The following POLA1 variants were observed in gnomAD, a reference collection of about 807,000 sequenced individuals.
The protein encoded by POLA1 is DNA polymerase alpha catalytic subunit.
In POLA1, 15 loss-of-function variants were observed where a neutral mutation model predicts 124.0. The observed-to-expected ratio is 0.12, with a 90% CI of 0.08 to 0.19. The LOEUF is 0.19. Among genes scored for constraint, POLA1 ranks in the 10% least tolerant of loss-of-function variants. The pLI is 1.00. For synonymous variants in POLA1, 408 were observed against 389.4 expected (o/e 1.05, Z -0.56); for missense variants, 886 against 1,103.4 (o/e 0.80, Z 2.79).
At chrX:24,717,206 A>AGCCTTTGTGC (rs1277971524) in intron 8 of POLA1, 84 bp from the exon 9 acceptor site, 64 of 800,488 alleles carry the variant, frequency 8.0e-5, no homozygotes, top group Non-Finnish European at 9.9e-5. Context: ...GTGTTGGATA[A>AGCCTTTGTGC]GCCTTTGTGC....
intron 26 of POLA1, among the ~76,000 whole-genome samples, chrX:24,770,968 T>C (rs1189265360): frequency 9.0e-6 from 1 of 111,164 alleles, no homozygotes; most frequent in Admixed American, 9.6e-5. Context: ...TATGGATAAA[T>C]CATTAAGTAT....
At chrX:24,937,078 G>A (rs925436231) in intron 36 of POLA1, among the ~76,000 whole-genome samples, 97 of 111,690 alleles carry the variant, frequency 8.7e-4, no homozygotes, top group African/African-American at 3.1e-3. Flanking sequence ...TTTAAAAATT[G>A]TTTCTTTGAT....
intron 35 of POLA1, among the ~76,000 whole-genome samples, chrX:24,927,846 A>G (rs2047718017): frequency 8.9e-6 from 1 of 112,302 alleles, no homozygotes; most frequent in African/African-American, 3.2e-5. Flanking sequence ...CTCAGATAAG[A>G]CTAGAGAGTG....
At chrX:24,865,380 C>T (rs2046780342) in intron 34 of POLA1, among the ~76,000 whole-genome samples, 1 of 111,874 alleles carries the variant, frequency 8.9e-6, no homozygotes, top group African/African-American at 3.2e-5. Context: ...AGTTGTACTC[C>T]AACATTAAGG....
chrX:24,974,240 T>C (rs984523461), intron 36 of POLA1, among the ~76,000 whole-genome samples: 8 of 111,196 alleles, frequency 7.2e-5, no homozygotes, highest in African/African-American at 2.6e-4. Flanking sequence ...GACATTTCAT[T>C]GTCACAAGTT....
At chrX:24,809,510 T>A (rs1228745355) in intron 26 of POLA1, among the ~76,000 whole-genome samples, 1 of 111,837 alleles carries the variant, frequency 8.9e-6, no homozygotes, top group African/African-American at 3.3e-5. Flanking sequence ...TGTGCTTTTT[T>A]TTGCTTTTTA....
intron 28 of POLA1, 121 bp downstream of exon 28, chrX:24,810,921 G>A: frequency 2.4e-6 from 1 of 418,860 alleles, no homozygotes; most frequent in South Asian, 4.0e-5. Context: ...TAAACTTGGT[G>A]TCTCTCAATT....
intron 34 of POLA1, among the ~76,000 whole-genome samples, chrX:24,884,570 G>A (rs1319559047): frequency 1.8e-5 from 2 of 112,293 alleles, no homozygotes; most frequent in Middle Eastern, 4.2e-3. Flanking sequence ...TTGAAGCAAA[G>A]CATATATTTA....
At chrX:24,733,573 G>A (rs1931070640) in intron 16 of POLA1, among the ~76,000 whole-genome samples, 182 bp from the exon 17 acceptor site, 1 of 111,859 alleles carries the variant, frequency 8.9e-6, no homozygotes, top group Non-Finnish European at 1.9e-5. Context: ...TTAGGGTTCT[G>A]TGCTTGACCA....
chrX:24,806,767 G>T (rs568654598), intron 26 of POLA1, among the ~76,000 whole-genome samples: 2 of 112,083 alleles, frequency 1.8e-5, no homozygotes, highest in African/African-American at 6.5e-5. Context: ...TGTAAATTAC[G>T]TATGTATAGG....
chrX:24,986,624 A>G (rs2048484045), intron 36 of POLA1, among the ~76,000 whole-genome samples: 1 of 109,246 alleles, frequency 9.2e-6, no homozygotes, highest in South Asian at 4.1e-4. Flanking sequence ...GTACATACCT[A>G]TACTTCCAGC....
At chrX:24,781,507 A>C (rs781605993) in intron 26 of POLA1, among the ~76,000 whole-genome samples, 3 of 111,931 alleles carry the variant, frequency 2.7e-5, no homozygotes, top group Middle Eastern at 4.6e-3. Context: ...CCTTTATTGG[A>C]TCTCATATGG....
intron 36 of POLA1, among the ~76,000 whole-genome samples, chrX:24,931,036 C>T (rs2047769296): frequency 9.0e-6 from 1 of 111,137 alleles, no homozygotes; most frequent in Admixed American, 9.6e-5. Flanking sequence ...GCGCCTCAGC[C>T]CGTATGATCA....
chrX:24,913,465 A>G (rs1392510989), intron 35 of POLA1, among the ~76,000 whole-genome samples: 1 of 110,408 alleles, frequency 9.1e-6, no homozygotes, highest in Non-Finnish European at 1.9e-5. Flanking sequence ...TAATCCCAGC[A>G]CTTTGGGAGG....
chrX:24,891,114 G>A (rs1166888219), intron 35 of POLA1, among the ~76,000 whole-genome samples: 1 of 112,458 alleles, frequency 8.9e-6, no homozygotes, highest in Non-Finnish European at 1.9e-5. Context: ...CGAGGATGAT[G>A]TTGATAGTGG....
chrX:24,790,911 G>GTGTA (rs1491219027), intron 26 of POLA1, among the ~76,000 whole-genome samples: 81 of 78,276 alleles, frequency 1.0e-3, no homozygotes, highest in Admixed American at 5.5e-3. Context: ...TTATGTATAT[G>GTGTA]TATATATATA....
intron 26 of POLA1, chrX:24,775,369 G>GTTTTAGAGAAAGCATCTGTGGAA (rs2045118516): frequency 8.9e-6 from 1 of 112,132 alleles, no homozygotes; most frequent in African/African-American, 3.2e-5. Flanking sequence ...GGGTTAATAT[G>GTTTTAGAGAAAGCATCTGTGGAA]TTTTAGAGAA....
chrX:24,716,998 AAG>A (rs752295216), intron 8 of POLA1, 27 bp downstream of exon 8: 3 of 997,834 alleles, frequency 3.0e-6, no homozygotes, highest in Non-Finnish European at 4.2e-6. Flanking sequence ...GCAGAATTGC[AAG>A]AGTGTTGAGT....
chrX:24,897,790 A>G (rs2047227587), intron 35 of POLA1, among the ~76,000 whole-genome samples: 1 of 112,061 alleles, frequency 8.9e-6, no homozygotes, highest in Non-Finnish European at 1.9e-5. Context: ...TGCCTTGGGA[A>G]CTAGCAAAAC....
Sources: gnomAD v4.1 joint callset for allele counts (sites outside exome capture counted in the v4.1 genomes callset) on GRCh38, gnomAD v4.1.1 for gene constraint, MANE v1.5 for transcripts, NCBI Gene and HGNC (gene_info 2026-07-23, HGNC 2026-07-21) for gene names.